Variants in PRH1 observed in about 807,000 individuals in gnomAD.
The protein encoded by PRH1 is proline rich protein HaeIII subfamily 1.
In PRH1, 7 loss-of-function variants were observed where a neutral mutation model predicts 7.9. The observed-to-expected ratio is 0.89, with a 90% CI of 0.50 to 1.67. The LOEUF (loss-of-function observed/expected upper bound fraction) is 1.67, where lower values mean the gene tolerates loss of function less well. PRH1 is among the 40% of genes most tolerant of loss of function. The pLI is 0.00. For missense variants in PRH1, 109 were observed against 223.6 expected (o/e 0.49, Z 3.27); for synonymous variants, 45 against 80.8 (o/e 0.56, Z 2.38).
chr12:11,151,591 T>C (rs1020379596), intron 1 of PRH1, among the ~76,000 whole-genome samples: 2 of 152,192 alleles, frequency 1.3e-5, no homozygotes, highest in Non-Finnish European at 2.9e-5. Context: ...AACTCATCCT[T>C]TACTTCCATT....
chr12:11,028,291 C>T (rs1199702186), intron 1 of PRH1, among the ~76,000 whole-genome samples: 1 of 152,216 alleles, frequency 6.6e-6, no homozygotes, highest in African/African-American at 2.4e-5. Flanking sequence ...TCTCCCTCCT[C>T]TCTCTCTTCC....
chr12:11,023,728 G>T (rs910678854), intron 1 of PRH1, among the ~76,000 whole-genome samples: 87 of 152,332 alleles, frequency 5.7e-4, no homozygotes, highest in African/African-American at 2.0e-3. Context: ...AACTAATGGA[G>T]TCAGAATGCC....
At chr12:10,980,432 C>T (rs770450595) in intron 1 of PRH1, among the ~76,000 whole-genome samples, 7 of 152,048 alleles carry the variant, frequency 4.6e-5, no homozygotes, top group Non-Finnish European at 1.0e-4. Context: ...TCTGAATAGG[C>T]AGAAACTCAA....
At chr12:11,015,794 A>T (rs1344218168) in intron 1 of PRH1, among the ~76,000 whole-genome samples, 2 of 152,094 alleles carry the variant, frequency 1.3e-5, no homozygotes, top group African/African-American at 4.8e-5. Context: ...ATTTTTTCTA[A>T]GAAACAGGGA....
At chr12:11,024,102 A>G (rs1205206085) in intron 1 of PRH1, among the ~76,000 whole-genome samples, 1 of 152,276 alleles carries the variant, frequency 6.6e-6, no homozygotes, top group Non-Finnish European at 1.5e-5. Context: ...AGTTGCAACT[A>G]AAATCAGAAA....
At chr12:11,171,230 C>A in intron 1 of PRH1, 1 of 552,564 alleles carries the variant, frequency 1.8e-6, no homozygotes, top group East Asian at 3.5e-5. Context: ...GCGGCAGCGG[C>A]AAGCTTGGGT....
intron 1 of PRH1, among the ~76,000 whole-genome samples, chr12:11,032,627 G>A (rs1490740552): frequency 6.6e-6 from 1 of 152,112 alleles, no homozygotes; most frequent in Non-Finnish European, 1.5e-5. Flanking sequence ...AGGGTTTTCA[G>A]CCCATGAATA....
intron 1 of PRH1, among the ~76,000 whole-genome samples, chr12:11,032,009 C>G (rs1486813448): frequency 6.6e-6 from 1 of 152,226 alleles, no homozygotes; most frequent in Non-Finnish European, 1.5e-5. Context: ...GGCATGTTAA[C>G]TGATGAGTTC....
At chr12:10,900,525 A>G (rs1267780767) in intron 2 of PRH1, among the ~76,000 whole-genome samples, 1 of 152,068 alleles carries the variant, frequency 6.6e-6, no homozygotes, top group Non-Finnish European at 1.5e-5. Context: ...GGGAAAAAAA[A>G]CCTTAGCAGC....
intron 2 of PRH1, among the ~76,000 whole-genome samples, chr12:10,960,691 T>A (rs1938197011): frequency 6.6e-6 from 1 of 152,202 alleles, no homozygotes; most frequent in Admixed American, 6.5e-5. Context: ...TTAATTGGTA[T>A]TCATAAGCAG....
At chr12:11,133,035 ATT>A in intron 1 of PRH1, 1 of 412,670 alleles carries the variant, frequency 2.4e-6, no homozygotes, top group South Asian at 9.4e-5. Flanking sequence ...TAATTGAGGA[ATT>A]TTTGTCATAT....
At chr12:11,033,744 A>G (rs117105329) in intron 1 of PRH1, among the ~76,000 whole-genome samples, 2,318 of 152,280 alleles carry the variant, frequency 0.015, 19 homozygotes, top group South Asian at 0.031. Context: ...CAAATAATTG[A>G]TATTTCCCTT....
chr12:11,134,157 C>G lies in PRH1; in HGVS notation n.40-12977G>C, dbSNP rs766753029. On this transcript the variant is annotated intron_variant and non_coding_transcript_variant, in intron 1 of 1. Coordinates refer to the PRH1 transcript ENST00000541175. The stretch of plus-strand genomic sequence containing the variant: ...CTCTTGACCCACTCAATGGAATTTA[C>G]CAATGCTATGAAGCCATTAGCAAAA... 5 of 1,614,024 alleles carry G rather than the reference C, an allele frequency of 3.1e-6. No individual in the cohort carries two copies. The South Asian group carries it at 4.4e-5, about 14-fold the overall frequency.
intron 1 of PRH1, among the ~76,000 whole-genome samples, chr12:11,012,413 A>C (rs947342503): frequency 6.6e-6 from 1 of 152,142 alleles, no homozygotes; most frequent in African/African-American, 2.4e-5. Flanking sequence ...GATGATAATA[A>C]TACTCTGGGT....
At chr12:11,074,221 G>GGTAATAAA (rs1395740424) in intron 1 of PRH1, among the ~76,000 whole-genome samples, 1 of 108,170 alleles carries the variant, frequency 9.2e-6, no homozygotes, top group Non-Finnish European at 2.2e-5. Context: ...TAATTAAAAA[G>GGTAATAAA]AGCACAGTCT....
At chr12:11,109,176 C>T (rs1165744589) in intron 1 of PRH1, among the ~76,000 whole-genome samples, 2 of 152,170 alleles carry the variant, frequency 1.3e-5, no homozygotes, top group African/African-American at 4.8e-5. Context: ...CAGTCAGGGG[C>T]TTATAGATAA....
At chr12:11,075,702 A>G (rs900451000) in intron 1 of PRH1, among the ~76,000 whole-genome samples, 1 of 124,420 alleles carries the variant, frequency 8.0e-6, no homozygotes, top group African/African-American at 2.7e-5. Context: ...TCAAAGCTAT[A>G]TTACAGTGAT....
At chr12:11,077,841 C>A in intron 1 of PRH1, 1 of 1,024,476 alleles carries the variant, frequency 9.8e-7, no homozygotes, top group Non-Finnish European at 1.5e-6. Flanking sequence ...CCAAGGGACC[C>A]AACAGTATCA....
chr12:11,029,364 CT>C (rs1302130125), intron 1 of PRH1, among the ~76,000 whole-genome samples: 1 of 152,000 alleles, frequency 6.6e-6, no homozygotes, highest in Non-Finnish European at 1.5e-5. Flanking sequence ...TTCATAGATA[CT>C]TTTTTAACAT....
Sources: allele counts gnomAD v4.1 joint callset (sites outside exome capture counted in the v4.1 genomes callset), GRCh38; gene constraint gnomAD v4.1.1; transcripts MANE v1.5; gene names NCBI Gene and HGNC (gene_info 2026-07-23, HGNC 2026-07-21).